Variants in PCLO observed in about 807,000 individuals in gnomAD.
The protein encoded by PCLO is piccolo presynaptic cytomatrix protein, also known as protein piccolo.
PCLO carries 82 observed loss-of-function variants against 427.5 expected under a neutral mutation model. The ratio of observed to expected loss-of-function variants is 0.19; its 90% CI spans 0.16 to 0.23. The LOEUF is 0.23. Among genes scored for constraint, PCLO ranks in the 10% least tolerant of loss-of-function variants. The pLI is 1.00. For synonymous variants in PCLO, 2,357 were observed against 2,155.4 expected, an observed-to-expected ratio of 1.09 and a Z score of -2.59; for missense variants, 6,239 against 6,115.9, an observed-to-expected ratio of 1.02 and a Z score of -0.67.
rs554911605 is a variant in PCLO, at chr7:82,796,479, C to T, written c.15007+5039G>A. Among the ~76,000 whole-genome samples the T allele has an allele frequency of 5.3e-5, 8 of 152,056 alleles. No individual in the cohort carries two copies. In the East Asian group the frequency reaches 1.4e-3, roughly 26 times the overall value. On this transcript the variant is annotated intron_variant, in intron 22 of 24. Coordinates refer to ENST00000333891, the MANE Select transcript of PCLO (RefSeq NM_033026.6). ...ATGGTGTTCTTCAGTCTGAACTTGG[C>T]CTCATTCATTGCCACATGTCTAGAC...
intron 3 of PCLO, among the ~76,000 whole-genome samples, chr7:83,066,087 C>A (rs1239787742): frequency 6.6e-6 from 1 of 152,070 alleles, no homozygotes; most frequent in African/African-American, 2.4e-5. Flanking sequence ...TCATGTGTTT[C>A]AATTCTTGTG....
chr7:82,839,319 T>C (rs1395814162), intron 14 of PCLO, among the ~76,000 whole-genome samples: 1 of 152,054 alleles, frequency 6.6e-6, no homozygotes, highest in Non-Finnish European at 1.5e-5. Flanking sequence ...AACTTCATAA[T>C]GAAATAAATC....
chr7:82,863,712 T>C (rs981931783), intron 10 of PCLO, among the ~76,000 whole-genome samples: 1 of 152,006 alleles, frequency 6.6e-6, no homozygotes, highest in Non-Finnish European at 1.5e-5. Context: ...CTTTCTAATA[T>C]TCATGTAGAG....
chr7:82,911,900 C>A (rs779553837), intron 7 of PCLO, among the ~76,000 whole-genome samples: 1 of 152,100 alleles, frequency 6.6e-6, no homozygotes, highest in Admixed American at 6.6e-5. Context: ...GAATTACAGG[C>A]GTGAGCCACC....
Position 83,155,448 on chromosome 7 carries a change from C to T in PCLO, c.1193G>A (p.Gly398Glu). The change falls in exon 2 of 25, where the codon GGA (glycine) becomes GAA (glutamate). Residue 398 changes from glycine (G) to glutamate (E), a missense_variant. This residue lies in a region of PCLO where 4,677 missense variants were observed against 4,468.4 expected (regional missense o/e 1.05). Transcript: ENST00000333891. ...CCCTGGCTGTTGAGCTGGAGTCTTT[C>T]CAACTCCAGGAGGCTGAGCTAAAGC... ...PKALAQPPGV[G>E]KTPAQQPGPA... The T allele has an allele frequency of 2.5e-6, 4 of 1,612,276 alleles. No homozygotes were observed. The highest frequency in any genetic ancestry group is 3.4e-6 in the Non-Finnish European group (4 of 1,179,338).
At chr7:82,770,460 A>G (rs1007263468) in intron 22 of PCLO, among the ~76,000 whole-genome samples, 2 of 152,016 alleles carry the variant, frequency 1.3e-5, no homozygotes, top group African/African-American at 2.4e-5. Flanking sequence ...CCTAGAAAAC[A>G]TAAGGTTAAT....
intron 3 of PCLO, among the ~76,000 whole-genome samples, chr7:82,990,619 AC>A (rs1796355301): frequency 6.6e-6 from 1 of 152,170 alleles, no homozygotes; most frequent in Admixed American, 6.6e-5. Flanking sequence ...ATCCGTAACT[AC>A]TACAAATAGA....
At chr7:82,879,284 T>TTA in intron 10 of PCLO, 53 bp downstream of exon 10, 8 of 1,398,568 alleles carry the variant, frequency 5.7e-6, no homozygotes, top group Non-Finnish European at 7.9e-6. Context: ...AATTAAAATG[T>TTA]ATTTAATATG....
In PCLO at chr7:83,058,767, C is replaced by T. The variant is rs139915330; in HGVS notation, c.3300+75483G>A. ...CGGTGTGTAATTGAACCTAGGCAAT[C>T]GACTCCACAGCTCACCCTCTTAACA... On this transcript the variant is annotated intron_variant, in intron 3 of 24. Transcript: ENST00000333891. Among the ~76,000 whole-genome samples, 1,293 of 152,140 alleles carry T rather than the reference C, an allele frequency of 8.5e-3. 12 individuals carry two copies. Among genetic ancestry groups the T allele is most frequent in the Non-Finnish European group, 0.014 (934 of 68,020 alleles).
At chr7:82,836,976 A>G (rs1247862976) in intron 15 of PCLO, among the ~76,000 whole-genome samples, 3 of 152,168 alleles carry the variant, frequency 2.0e-5, no homozygotes, top group Non-Finnish European at 4.4e-5. Context: ...GTGTACTTGA[A>G]GGGAATATGT....
intron 20 of PCLO, chr7:82,820,883 CAA>C (rs767387473): frequency 4.2e-5 from 52 of 1,230,474 alleles, no homozygotes; most frequent in Non-Finnish European, 5.3e-5. Context: ...CAACAAAAGT[CAA>C]AAGATGCCCA....
rs1424768942 is a variant in PCLO, at chr7:82,956,283, C to T, written c.4670G>A (p.Arg1557Gln). ...AGCACTCATTTCTATGATTTGTTTT[C>T]GAATGAAGTCCTCCTCTTCCCCTGA... ...QGSGEEEDFI[R>Q]KQIIEMSADE... Residue 1557 changes from arginine (R) to glutamine (Q), a missense_variant, in exon 5 of 25, where the codon CGA (arginine) becomes CAA (glutamine). Arg to Gln is a conservative substitution (Grantham distance 43, BLOSUM62 1). Transcript: ENST00000333891. 32 of 1,612,370 alleles carry T rather than the reference C, an allele frequency of 2.0e-5. No homozygotes were observed. The highest frequency in any genetic ancestry group is 5.3e-5 in the African/African-American group (4 of 74,896).
intron 2 of PCLO, among the ~76,000 whole-genome samples, chr7:83,150,271 A>G (rs775263381): frequency 2.0e-5 from 3 of 152,212 alleles, no homozygotes; most frequent in Non-Finnish European, 2.9e-5. Flanking sequence ...GTCAAAATGC[A>G]TGCCCAAAGA....
chr7:82,945,538 T>C (rs895291306), intron 6 of PCLO, among the ~76,000 whole-genome samples: 3 of 152,184 alleles, frequency 2.0e-5, no homozygotes, highest in African/African-American at 7.2e-5. Context: ...AGTATCCTTA[T>C]AAAAGGGAAA....
At chr7:82,977,435 TG>T (rs1796045325) in intron 3 of PCLO, among the ~76,000 whole-genome samples, 1 of 149,296 alleles carries the variant, frequency 6.7e-6, no homozygotes, top group South Asian at 2.1e-4. Flanking sequence ...TTTTTGGAGA[TG>T]GAGTTTTGCT....
chr7:83,135,594 T>C lies in PCLO; in HGVS notation c.1956A>G (p.Pro652=). ...GTTTGGGCTGGGGTGATGACGGAACTGGAGCCAGATCCCCGCCTAGAGCTC... is the reference window on the plus strand; with the variant it reads ...GTTTGGGCTGGGGTGATGACGGAACCGGAGCCAGATCCCCGCCTAGAGCTC... ...MKRALGGDLA[P]VPSSPQPKLK... The change falls in exon 3 of 25, where the codon CCA becomes CCG. Residue 652 remains proline, a synonymous_variant. Transcript: ENST00000333891. 1 of 1,613,198 alleles carries C rather than the reference T, an allele frequency of 6.2e-7. No homozygotes were observed. Among genetic ancestry groups the C allele is most frequent in the Non-Finnish European group, 8.5e-7 (1 of 1,179,562 alleles).
chr7:82,870,749 A>T (rs905940331), intron 10 of PCLO, among the ~76,000 whole-genome samples: 1 of 152,164 alleles, frequency 6.6e-6, no homozygotes, highest in East Asian at 1.9e-4. Context: ...TAGCAAAAAA[A>T]ACCCCAAATA....
intron 1 of PCLO, among the ~76,000 whole-genome samples, chr7:83,158,782 T>C (rs1252718120): frequency 3.9e-5 from 6 of 152,012 alleles, no homozygotes; most frequent in Admixed American, 1.3e-4. Context: ...AAAATAGGCA[T>C]ACAACCCTAA....
At chr7:82,958,272 A>G (rs779137765) in intron 4 of PCLO, among the ~76,000 whole-genome samples, 36 of 151,388 alleles carry the variant, frequency 2.4e-4, no homozygotes, top group Non-Finnish European at 4.0e-4. Flanking sequence ...CACAACAAAC[A>G]TACTCCTTCC....
Sources: allele counts gnomAD v4.1 joint callset (sites outside exome capture counted in the v4.1 genomes callset), GRCh38; gene constraint gnomAD v4.1.1; regional missense constraint gnomAD v4.1.1; transcripts MANE v1.5; gene names NCBI Gene and HGNC (gene_info 2026-07-23, HGNC 2026-07-21).